PPFIBP2: variants seen among roughly 807,000 people sequenced by gnomAD.
The protein encoded by PPFIBP2 is liprin-beta-2.
A neutral mutation model predicts 118.3 loss-of-function variants in PPFIBP2; 118 were observed. That is an observed-to-expected ratio of 1.00 (90% CI 0.86 to 1.16). PPFIBP2 has a LOEUF of 1.16. PPFIBP2 is among the 50% of genes most tolerant of loss of function. The pLI is 0.00. For missense variants in PPFIBP2, 1,195 were observed against 1,073.1 expected (o/e 1.11, Z -1.59); for synonymous variants, 414 against 397.4 (o/e 1.04, Z -0.50).
intron 5 of PPFIBP2, among the ~76,000 whole-genome samples, chr11:7,600,163 C>A (rs11041473): frequency 0.11 from 16,784 of 152,112 alleles, 1,918 homozygotes; most frequent in African/African-American, 0.29. Flanking sequence ...TGTCAAGGGT[C>A]AAATGATAGC....
At chr11:7,626,250 C>A (rs917374337) in intron 8 of PPFIBP2, among the ~76,000 whole-genome samples, 2 of 152,198 alleles carry the variant, frequency 1.3e-5, no homozygotes, top group African/African-American at 4.8e-5. Context: ...TGTGTCATCA[C>A]CAAAGGGGAG....
At chr11:7,582,189 T>C (rs1590359857) in intron 3 of PPFIBP2, among the ~76,000 whole-genome samples, 1 of 152,164 alleles carries the variant, frequency 6.6e-6, no homozygotes, top group East Asian at 1.9e-4. Flanking sequence ...GTTAGAGTTA[T>C]GGGGAGGATG....
intron 5 of PPFIBP2, among the ~76,000 whole-genome samples, chr11:7,604,065 T>A (rs746877983): frequency 1.2e-4 from 19 of 152,190 alleles, no homozygotes; most frequent in Non-Finnish European, 2.4e-4. Flanking sequence ...AAGCATTGCC[T>A]GGCGAGGATG....
chr11:7,664,488 C>G, the PPFIBP2 span, among the ~76,000 whole-genome samples: 1 of 152,196 alleles, frequency 6.6e-6, no homozygotes, highest in African/African-American at 2.4e-5. Flanking sequence ...TCTCTACCCT[C>G]TAAATGCTAA....
At chr11:7,569,440 A>G (rs760975836) in intron 3 of PPFIBP2, among the ~76,000 whole-genome samples, 3 of 152,196 alleles carry the variant, frequency 2.0e-5, no homozygotes, top group Non-Finnish European at 4.4e-5. Context: ...TGGTAAGTAT[A>G]ATGAGGAGAA....
downstream of PPFIBP2, among the ~76,000 whole-genome samples, chr11:7,657,468 C>A (rs1854777641): frequency 6.6e-6 from 1 of 152,136 alleles, no homozygotes. Context: ...TGCCTCCACC[C>A]AAGCTGACAC....
At chr11:7,665,184 GC>G in the PPFIBP2 span, 1 of 481,578 alleles carries the variant, frequency 2.1e-6, no homozygotes, top group South Asian at 4.1e-5. Context: ...AAGCAAGGAG[GC>G]CCCAGCAGCC....
intron 3 of PPFIBP2, among the ~76,000 whole-genome samples, chr11:7,570,025 G>A (rs1481807600): frequency 6.6e-6 from 1 of 152,164 alleles, no homozygotes; most frequent in Non-Finnish European, 1.5e-5. Flanking sequence ...CCTGGCATGT[G>A]GTACCTGGCC....
intron 14 of PPFIBP2, 81 bp from the exon 15 acceptor site, chr11:7,639,651 G>T (rs1851875707): frequency 6.3e-7 from 1 of 1,575,132 alleles, no homozygotes; most frequent in Admixed American, 1.7e-5. Context: ...GCAAAACAGG[G>T]AGTTGTTCTG....
chr11:7,658,563 T>C (rs201058104), downstream of PPFIBP2, among the ~76,000 whole-genome samples: 36 of 66,736 alleles, frequency 5.4e-4, no homozygotes, highest in East Asian at 0.012. Context: ...ACATTTGGGT[T>C]GGTTCCAAGT....
chr11:7,663,389 C>T, the PPFIBP2 span, among the ~76,000 whole-genome samples: 2 of 151,608 alleles, frequency 1.3e-5, no homozygotes, highest in Non-Finnish European at 2.9e-5. Flanking sequence ...AGCTGCAGGT[C>T]TGTTGGAATA....
chr11:7,546,044 G>A (rs75840798), intron 1 of PPFIBP2, among the ~76,000 whole-genome samples: 2,120 of 152,280 alleles, frequency 0.014, 58 homozygotes, highest in African/African-American at 0.048. Context: ...GTTGGTGAAC[G>A]CGTGGAAGTG....
At chr11:7,617,874 G>A (rs566083392) in intron 6 of PPFIBP2, among the ~76,000 whole-genome samples, 1 of 152,178 alleles carries the variant, frequency 6.6e-6, no homozygotes, top group South Asian at 2.1e-4. Flanking sequence ...ACAGGGCCAT[G>A]TGGGGCTCTA....
At position 7,616,781 on chromosome 11, in the gene PPFIBP2, A is replaced by G. The variant is rs957988894; in HGVS notation, c.619-4154A>G. Among the ~76,000 whole-genome samples the G allele has an allele frequency of 1.3e-5, 2 of 151,798 alleles. No homozygotes were observed. Among genetic ancestry groups the G allele is most frequent in the African/African-American group, 4.8e-5 (2 of 41,310 alleles). On this transcript the variant is annotated intron_variant, in intron 6 of 23. Coordinates refer to ENST00000299492, the MANE Select transcript of PPFIBP2 (RefSeq NM_003621.5). This position sits in a 1 kb window ranked among gnomAD's most constrained non-coding sequence, Gnocchi z 5.2. ...GAGGACGTGTTTGTGTGTGTGCCCCAGTGTGCACCCATCTCTGCTATTGCT... is the reference window on the plus strand; with the variant it reads ...GAGGACGTGTTTGTGTGTGTGCCCCGGTGTGCACCCATCTCTGCTATTGCT...
chr11:7,622,553 A>G (rs1264284015), intron 7 of PPFIBP2, among the ~76,000 whole-genome samples: 2 of 152,346 alleles, frequency 1.3e-5, no homozygotes, highest in East Asian at 1.9e-4. Flanking sequence ...ATATATAAAT[A>G]TTTATGTAAT....
intron 5 of PPFIBP2, among the ~76,000 whole-genome samples, chr11:7,599,010 C>G (rs1459505581): frequency 7.1e-6 from 1 of 141,216 alleles, no homozygotes; most frequent in Non-Finnish European, 1.5e-5. Flanking sequence ...TTACCACATT[C>G]TTGGCGCCAT....
chr11:7,563,115 T>C (rs1564976830), intron 2 of PPFIBP2, among the ~76,000 whole-genome samples: 1 of 151,674 alleles, frequency 6.6e-6, no homozygotes, highest in South Asian at 2.1e-4. Flanking sequence ...AGGAAGAGAC[T>C]TTTCCAAGGC....
the PPFIBP2 span, chr11:7,665,490 G>A: frequency 1.2e-6 from 2 of 1,613,840 alleles, no homozygotes; most frequent in Middle Eastern, 1.6e-4. Flanking sequence ...TTCGCTGGAG[G>A]AGGAAGGTGC....
intron 1 of PPFIBP2, among the ~76,000 whole-genome samples, chr11:7,541,895 G>A (rs79969300): frequency 0.014 from 2,106 of 152,222 alleles, 22 homozygotes; most frequent in Non-Finnish European, 0.02. Flanking sequence ...ACTTGACTCT[G>A]CTCTCTCATG....
Sources: gnomAD v4.1 joint callset for allele counts (sites outside exome capture counted in the v4.1 genomes callset) on GRCh38, gnomAD v4.1.1 for gene constraint, Gnocchi (gnomAD v3.1) non-coding constraint, MANE v1.5 for transcripts, NCBI Gene and HGNC (gene_info 2026-07-23, HGNC 2026-07-21) for gene names.